Variants in RNLS observed in about 807,000 individuals in gnomAD.
The protein encoded by RNLS is renalase.
A neutral mutation model predicts 39.8 loss-of-function variants in RNLS; 39 were observed. The ratio of observed to expected loss-of-function variants is 0.98; its 90% CI spans 0.76 to 1.28. The LOEUF (loss-of-function observed/expected upper bound fraction) is 1.28, where lower values mean the gene tolerates loss of function less well. Among genes scored for constraint, RNLS ranks in the 50% most tolerant of loss-of-function variants. The pLI, the probability that RNLS is intolerant of heterozygous loss-of-function variation, is 0.00. For synonymous variants in RNLS, 147 were observed against 150.7 expected (o/e 0.98, Z 0.18); for missense variants, 410 against 413.3 (o/e 0.99, Z 0.07).
intron 4 of RNLS, among the ~76,000 whole-genome samples, chr10:88,449,538 T>C (rs1323758425): frequency 4.6e-5 from 7 of 152,198 alleles, no homozygotes; most frequent in Non-Finnish European, 1.0e-4. Flanking sequence ...ATAATAATTT[T>C]TATTAACTCA....
chr10:88,225,780 T>C, the RNLS span, among the ~76,000 whole-genome samples: 12 of 152,346 alleles, frequency 7.9e-5, no homozygotes, highest in African/African-American at 2.9e-4. Flanking sequence ...TGTATTATTT[T>C]ACTAAGTAAC....
the RNLS span, chr10:88,259,211 G>C: frequency 6.6e-6 from 1 of 152,210 alleles, no homozygotes; most frequent in Non-Finnish European, 1.5e-5. Flanking sequence ...GCAAAGTGAA[G>C]TCTTAAAGAC....
the RNLS span, among the ~76,000 whole-genome samples, chr10:88,203,367 T>TAC: frequency 6.2e-4 from 1 of 1,618 alleles, no homozygotes; most frequent in Non-Finnish European, 1.8e-3. Flanking sequence ...CGTATGTGTG[T>TAC]GTATATATAT....
chr10:88,257,377 A>G, the RNLS span, among the ~76,000 whole-genome samples: 213 of 152,320 alleles, frequency 1.4e-3, no homozygotes, highest in African/African-American at 5.0e-3. Context: ...ATATCAGGAC[A>G]ATATAGCGTG....
chr10:88,287,506 T>C (rs1843355630), intron 6 of RNLS, among the ~76,000 whole-genome samples: 1 of 152,166 alleles, frequency 6.6e-6, no homozygotes, highest in Non-Finnish European at 1.5e-5. Flanking sequence ...GCTAGGATTC[T>C]AGATATTAGT....
the RNLS span, among the ~76,000 whole-genome samples, chr10:88,178,865 C>T: frequency 6.6e-6 from 1 of 152,122 alleles, no homozygotes; most frequent in African/African-American, 2.4e-5. Flanking sequence ...GTTGAGGGAG[C>T]TCTGAGTTGA....
chr10:88,570,210 C>G (rs1849744629), intron 4 of RNLS, among the ~76,000 whole-genome samples: 1 of 152,054 alleles, frequency 6.6e-6, no homozygotes, highest in African/African-American at 2.4e-5. Flanking sequence ...TATTAGCAAG[C>G]CAAATTCAGA....
intron 4 of RNLS, among the ~76,000 whole-genome samples, chr10:88,363,919 A>AT (rs1849834004): frequency 6.6e-6 from 1 of 152,198 alleles, no homozygotes; most frequent in South Asian, 2.1e-4. Flanking sequence ...AGTGCTTGGC[A>AT]TATAATAAGT....
chr10:88,438,122 T>TAAAAAAA (rs571001948), intron 4 of RNLS, among the ~76,000 whole-genome samples: 1 of 116,778 alleles, frequency 8.6e-6, no homozygotes, highest in Non-Finnish European at 1.9e-5. Flanking sequence ...GTGAAACTCC[T>TAAAAAAA]AAAAAAAAAA....
At chr10:88,241,144 C>T in the RNLS span, among the ~76,000 whole-genome samples, 12 of 149,116 alleles carry the variant, frequency 8.0e-5, no homozygotes, top group African/African-American at 2.0e-4. Context: ...TGTACTTTTC[C>T]GGGTTTGACA....
chr10:88,434,912 T>C (rs1017052105), intron 4 of RNLS, among the ~76,000 whole-genome samples: 1 of 151,904 alleles, frequency 6.6e-6, no homozygotes, highest in Non-Finnish European at 1.5e-5. Context: ...TTAAACCACA[T>C]AGCAGTAGAA....
intron 4 of RNLS, among the ~76,000 whole-genome samples, chr10:88,463,829 C>CTGTG (rs956619654): frequency 6.6e-6 from 1 of 151,310 alleles, no homozygotes; most frequent in African/African-American, 2.4e-5. Context: ...GTGTTTATCT[C>CTGTG]TGTGTGTGTG....
At chr10:88,577,702 G>A (rs911040363) in intron 3 of RNLS, among the ~76,000 whole-genome samples, 3 of 152,152 alleles carry the variant, frequency 2.0e-5, no homozygotes, top group Non-Finnish European at 4.4e-5. Flanking sequence ...TATTAATGGA[G>A]AAGGCAGGCA....
At chr10:88,488,546 C>CA (rs3033822) in intron 4 of RNLS, among the ~76,000 whole-genome samples, 1,180 of 78,804 alleles carry the variant, frequency 0.015, 19 homozygotes, top group Middle Eastern at 0.023. Flanking sequence ...AACTCCGTCT[C>CA]AAAAAAAAAA....
intron 5 of RNLS, 127 bp from the exon 6 acceptor site, chr10:88,314,768 C>A (rs1029330626): frequency 2.7e-6 from 2 of 732,648 alleles, no homozygotes; most frequent in Non-Finnish European, 4.1e-6. Context: ...AAAACTTATT[C>A]TAATCTCTAA....
At chr10:88,187,180 TATATATAATATATATAATATATATATA>T in the RNLS span, among the ~76,000 whole-genome samples, 123 of 8,584 alleles carry the variant, frequency 0.014, 1 homozygote, top group African/African-American at 0.062. Flanking sequence ...ATATATATAA[TATATATAATATATATAATATATATATA>T]ATATATATAT....
the RNLS span, among the ~76,000 whole-genome samples, chr10:88,198,660 A>G: frequency 1.3e-5 from 2 of 151,964 alleles, no homozygotes; most frequent in African/African-American, 4.8e-5. Flanking sequence ...TGGTTGTTTA[A>G]AAGTGTGTAG....
chr10:88,196,317 C>A, the RNLS span, among the ~76,000 whole-genome samples: 1 of 152,294 alleles, frequency 6.6e-6, no homozygotes, highest in East Asian at 1.9e-4. Flanking sequence ...TCTGGCAAAT[C>A]GTTTGAAAGT....
At chr10:88,293,358 G>A (rs941591884) in intron 6 of RNLS, among the ~76,000 whole-genome samples, 1 of 152,110 alleles carries the variant, frequency 6.6e-6, no homozygotes, top group Admixed American at 6.5e-5. Flanking sequence ...ATAAGCCCAT[G>A]CCATGGTACA....
Sources: gnomAD v4.1 joint callset for allele counts (sites outside exome capture counted in the v4.1 genomes callset) on GRCh38, gnomAD v4.1.1 for gene constraint, MANE v1.5 for transcripts, NCBI Gene and HGNC (gene_info 2026-07-23, HGNC 2026-07-21) for gene names.